Variants in KIAA1549L observed in about 807,000 individuals in gnomAD.
KIAA1549L encodes the protein KIAA1549 like.
In KIAA1549L, 88 loss-of-function variants were observed where a neutral mutation model predicts 160.7. The observed-to-expected ratio is 0.55, with a 90% CI of 0.46 to 0.65. The LOEUF is 0.65. Among genes scored for constraint, KIAA1549L ranks in the 30% least tolerant of loss-of-function variants. The pLI is 0.00. For synonymous variants in KIAA1549L, 950 were observed against 976.7 expected (o/e 0.97, Z 0.51); for missense variants, 2,258 against 2,437.5 (o/e 0.93, Z 1.55).
intron 10 of KIAA1549L, among the ~76,000 whole-genome samples, chr11:33,575,823 A>G (rs549214529): frequency 6.6e-6 from 1 of 152,272 alleles, no homozygotes; most frequent in East Asian, 1.9e-4. Flanking sequence ...AGGGAATTGG[A>G]AAGGTGTATT....
At chr11:33,554,562 G>A (rs1055111909) in intron 6 of KIAA1549L, among the ~76,000 whole-genome samples, 2 of 152,148 alleles carry the variant, frequency 1.3e-5, no homozygotes, top group Non-Finnish European at 2.9e-5. Context: ...TGGGGTGGCC[G>A]CTCACAACCC....
chr11:33,595,612 T>C (rs1455942862), intron 12 of KIAA1549L, among the ~76,000 whole-genome samples: 1 of 152,218 alleles, frequency 6.6e-6, no homozygotes, highest in Non-Finnish European at 1.5e-5. Context: ...ACCTCCTCTC[T>C]GTTGAAGTCC....
At chr11:33,633,439 G>A (rs777333110) in intron 16 of KIAA1549L, among the ~76,000 whole-genome samples, 2 of 152,098 alleles carry the variant, frequency 1.3e-5, no homozygotes, top group Non-Finnish European at 1.5e-5. Context: ...GAGTGACAGA[G>A]GGATTTTGTG....
Position 33,559,832 on chromosome 11 carries a change from C to T in KIAA1549L, c.3939C>T (p.Val1313=), listed in dbSNP as rs375574453. The T allele has an allele frequency of 8.0e-5, 129 of 1,613,994 alleles. 1 individual carries two copies. The Middle Eastern group carries it at 2.8e-3, about 35-fold the overall frequency. The change falls in exon 7 of 21, where the codon GTC becomes GTT. Residue 1313 remains valine, a synonymous_variant. Coordinates refer to ENST00000658780, the MANE Select transcript of KIAA1549L (RefSeq NM_012194.3). ...GNQSTFLNGT[V]ASSLLSQLSA... The stretch of plus-strand genomic sequence containing the variant: ...AGAGCACATTCCTCAACGGCACCGT[C>T]GCCAGCAGCCTCCTCAGCCAGCTCT...
At chr11:33,655,966 C>T in intron 17 of KIAA1549L, 46 bp from the exon 18 acceptor site, 1 of 1,353,880 alleles carries the variant, frequency 7.4e-7, no homozygotes, top group Non-Finnish European at 1.1e-6. Context: ...TGCTGATCGA[C>T]CCTGGGTGTT....
At chr11:33,602,422 T>G (rs1476503211) in intron 13 of KIAA1549L, among the ~76,000 whole-genome samples, 1 of 152,220 alleles carries the variant, frequency 6.6e-6, no homozygotes, top group Non-Finnish European at 1.5e-5. Flanking sequence ...TAGAGAATAA[T>G]GATGCTATTA....
chr11:33,655,910 C>A, intron 17 of KIAA1549L, 102 bp from the exon 18 acceptor site: 1 of 770,738 alleles, frequency 1.3e-6, no homozygotes, highest in South Asian at 1.5e-5. Flanking sequence ...GAGGCAGAGT[C>A]TGACCCTTGG....
intron 16 of KIAA1549L, among the ~76,000 whole-genome samples, chr11:33,644,691 C>T (rs1851669653): frequency 6.6e-6 from 1 of 152,254 alleles, no homozygotes; most frequent in Non-Finnish European, 1.5e-5. Flanking sequence ...ATGTTTTGAA[C>T]ACCCTGTCTT....
intron 11 of KIAA1549L, among the ~76,000 whole-genome samples, chr11:33,590,282 T>C (rs1053726158): frequency 9.2e-5 from 14 of 152,234 alleles, no homozygotes; most frequent in African/African-American, 3.4e-4. Context: ...TGCAGTAACT[T>C]ACCCAAGGTC....
At chr11:33,420,380 C>T (rs1850986888) in intron 1 of KIAA1549L, among the ~76,000 whole-genome samples, 2 of 151,910 alleles carry the variant, frequency 1.3e-5, no homozygotes, top group Admixed American at 1.3e-4. Context: ...AGGCACAGTT[C>T]ACCATGCTTG....
chr11:33,449,233 A>ATT (rs553540920), intron 1 of KIAA1549L, among the ~76,000 whole-genome samples: 1 of 146,022 alleles, frequency 6.8e-6, no homozygotes. Context: ...TTGCTCTTCA[A>ATT]TTTTTTTTTT....
chr11:33,592,242 G>A (rs1180914725), intron 12 of KIAA1549L, among the ~76,000 whole-genome samples: 1 of 152,196 alleles, frequency 6.6e-6, no homozygotes, highest in Admixed American at 6.5e-5. Flanking sequence ...GCCTGGCAAG[G>A]CATCTGACCT....
At chr11:33,421,318 C>T (rs2476457) in intron 1 of KIAA1549L, among the ~76,000 whole-genome samples, 11,360 of 152,052 alleles carry the variant, frequency 0.075, 1,205 homozygotes, top group African/African-American at 0.23. Flanking sequence ...GTGAGCAGAT[C>T]GGAGAGGAAA....
At chr11:33,453,336 T>C (rs1162105473) in intron 1 of KIAA1549L, among the ~76,000 whole-genome samples, 2 of 152,186 alleles carry the variant, frequency 1.3e-5, no homozygotes, top group Non-Finnish European at 2.9e-5. Flanking sequence ...GGGTAGGGAA[T>C]GGAGGGTAAT....
intron 6 of KIAA1549L, among the ~76,000 whole-genome samples, chr11:33,559,142 A>C (rs1231368287): frequency 6.6e-6 from 1 of 151,862 alleles, no homozygotes; most frequent in Non-Finnish European, 1.5e-5. Context: ...CCGGCCTCTG[A>C]ATTCCTTTTC....
intron 1 of KIAA1549L, among the ~76,000 whole-genome samples, chr11:33,534,736 A>G (rs1853855263): frequency 6.6e-6 from 1 of 152,124 alleles, no homozygotes; most frequent in Non-Finnish European, 1.5e-5. Flanking sequence ...TCTTTATTTC[A>G]TGACTCATTC....
At chr11:33,662,730 T>C (rs1299605871) in intron 20 of KIAA1549L, among the ~76,000 whole-genome samples, 2 of 152,202 alleles carry the variant, frequency 1.3e-5, no homozygotes, top group Non-Finnish European at 2.9e-5. Flanking sequence ...GAAAGTATTT[T>C]CCAAAACCTT....
Position 33,460,529 on chromosome 11 carries a change from C to G in KIAA1549L, c.239-81273C>G, listed in dbSNP as rs117652757. ...ATCACAGAGTGATGTGTGAGTGCTGCCATGTTCAATGGTGTCTTTAGCTTG... is the reference window on the plus strand; with the variant it reads ...ATCACAGAGTGATGTGTGAGTGCTGGCATGTTCAATGGTGTCTTTAGCTTG... On this transcript the variant is annotated intron_variant, in intron 1 of 20. Transcript: ENST00000658780. Among the ~76,000 whole-genome samples, 8 of 152,208 alleles carry G rather than the reference C, an allele frequency of 5.3e-5. No homozygotes were observed. In the East Asian group the frequency reaches 1.5e-3, roughly 29 times the overall value.
At chr11:33,618,761 G>A in intron 16 of KIAA1549L, 99 bp downstream of exon 16, 2 of 1,168,246 alleles carry the variant, frequency 1.7e-6, no homozygotes, top group East Asian at 2.9e-5. Flanking sequence ...ACATATTTGT[G>A]GAATTTTAAA....
Sources: allele counts gnomAD v4.1 joint callset (sites outside exome capture counted in the v4.1 genomes callset), GRCh38; gene constraint gnomAD v4.1.1; transcripts MANE v1.5; gene names NCBI Gene and HGNC (gene_info 2026-07-23, HGNC 2026-07-21).